Variants in ABCB1 observed in about 807,000 individuals in gnomAD.
The protein encoded by ABCB1 is ATP-dependent translocase ABCB1.
Under a neutral mutation model 142.0 loss-of-function variants are expected in ABCB1, and 69 were observed. The observed-to-expected ratio is 0.49, with a 90% CI of 0.40 to 0.59. ABCB1 has a LOEUF of 0.59. Among genes scored for constraint, ABCB1 ranks in the 20% least tolerant of loss-of-function variants. The pLI is 0.00. For missense variants in ABCB1, 1,326 were observed against 1,554.7 expected (o/e 0.85, Z 2.47); for synonymous variants, 532 against 539.2 (o/e 0.99, Z 0.18).
At chr7:87,669,047 A>G (rs1825563817) in intron 1 of ABCB1, among the ~76,000 whole-genome samples, 1 of 151,972 alleles carries the variant, frequency 6.6e-6, no homozygotes, top group Non-Finnish European at 1.5e-5. Context: ...TGTCTGCCTC[A>G]ATGATCTGTT....
At chr7:87,596,996 G>C (rs981620319) in intron 2 of ABCB1, among the ~76,000 whole-genome samples, 2 of 151,974 alleles carry the variant, frequency 1.3e-5, no homozygotes, top group Non-Finnish European at 2.9e-5. Flanking sequence ...CCAGGCACTG[G>C]CTAAGTAAGC....
At chr7:87,537,557 G>A (rs574920123) in intron 19 of ABCB1, among the ~76,000 whole-genome samples, 241 of 152,282 alleles carry the variant, frequency 1.6e-3, no homozygotes, top group African/African-American at 5.7e-3. Context: ...TGATATAGGG[G>A]AAGAGTGGGT....
chr7:87,628,588 T>C (rs6977049), intron 1 of ABCB1: 6,473 of 29,050 alleles, frequency 0.22, 64 homozygotes, highest in South Asian at 0.27. Flanking sequence ...TGCGTGCGTG[T>C]GTGTGTGTGT....
intron 4 of ABCB1, among the ~76,000 whole-genome samples, chr7:87,570,728 A>G (rs1313851095): frequency 1.3e-5 from 2 of 152,178 alleles, no homozygotes; most frequent in African/African-American, 4.8e-5. Flanking sequence ...TAAAAAGTAC[A>G]TTATAAAAGT....
chr7:87,667,267 T>C (rs757691161), intron 1 of ABCB1, among the ~76,000 whole-genome samples: 2 of 152,160 alleles, frequency 1.3e-5, no homozygotes, highest in African/African-American at 2.4e-5. Flanking sequence ...GGGATTGCCA[T>C]TCTGATTTGG....
chr7:87,614,836 G>C (rs1413901740), intron 1 of ABCB1, among the ~76,000 whole-genome samples: 1 of 151,886 alleles, frequency 6.6e-6, no homozygotes, highest in Admixed American at 6.6e-5. Context: ...TGTGTGTGTA[G>C]GTGTTTTTTT....
At chr7:87,534,594 T>C (rs1816197713) in intron 20 of ABCB1, among the ~76,000 whole-genome samples, 1 of 152,006 alleles carries the variant, frequency 6.6e-6, no homozygotes, top group African/African-American at 2.4e-5. Context: ...CAAGCCTGCT[T>C]CTCCAACAGG....
At chr7:87,538,843 C>T (rs936730314) in intron 19 of ABCB1, among the ~76,000 whole-genome samples, 1 of 151,932 alleles carries the variant, frequency 6.6e-6, no homozygotes, top group African/African-American at 2.4e-5. Flanking sequence ...CAGTGAAGAA[C>T]AGGACACAGG....
intron 1 of ABCB1, among the ~76,000 whole-genome samples, chr7:87,634,295 A>T (rs1471101785): frequency 6.6e-6 from 1 of 152,132 alleles, no homozygotes; most frequent in Non-Finnish European, 1.5e-5. Context: ...CAGACCAACC[A>T]TATACAGATT....
chr7:87,619,792 A>G (rs1467237414), intron 1 of ABCB1, among the ~76,000 whole-genome samples: 1 of 151,702 alleles, frequency 6.6e-6, no homozygotes, highest in Non-Finnish European at 1.5e-5. Context: ...GAATAAACTG[A>G]CCTTGAGATT....
chr7:87,650,026 T>G (rs1231365373), intron 1 of ABCB1, among the ~76,000 whole-genome samples: 1 of 152,208 alleles, frequency 6.6e-6, no homozygotes, highest in African/African-American at 2.4e-5. Context: ...GGGTAAGTCT[T>G]TATTAGCAGT....
In ABCB1 at chr7:87,509,296, G is replaced by A. The variant is rs1814896813; in HGVS notation, c.3468C>T (p.Ala1156=). 6.2e-7 allele frequency: 1 copy of A among 1,614,140 alleles called. No homozygotes were observed. ...TTACATTAGGCAGTGACTCGATGAAGGCATGTATGTTGGCCTCCTTTGCTG... is the reference window on the plus strand; with the variant it reads ...TTACATTAGGCAGTGACTCGATGAAAGCATGTATGTTGGCCTCCTTTGCTG... ...VRAAKEANIH[A]FIESLPNKYS... Residue 1156 remains alanine, a synonymous_variant, in exon 26 of 28, where the codon GCC becomes GCT. Transcript: ENST00000622132.
chr7:87,549,660 C>A, intron 13 of ABCB1, 142 bp from the exon 14 acceptor site: 1 of 1,424,788 alleles, frequency 7.0e-7, no homozygotes, highest in Non-Finnish European at 9.8e-7. Flanking sequence ...AACACAATAA[C>A]CAACCTCAGT....
chr7:87,523,026 T>C (rs757706377), intron 21 of ABCB1, among the ~76,000 whole-genome samples: 5 of 152,230 alleles, frequency 3.3e-5, no homozygotes, highest in Non-Finnish European at 7.3e-5. Context: ...TAAACATCTT[T>C]GTACCTAAAC....
chr7:87,561,438 T>G (rs753241417), intron 7 of ABCB1, 51 bp from the exon 8 acceptor site: 2 of 1,523,982 alleles, frequency 1.3e-6, no homozygotes, highest in Admixed American at 3.6e-5. Context: ...TAATTTTATC[T>G]TTTGTAAAGT....
intron 14 of ABCB1, among the ~76,000 whole-genome samples, chr7:87,546,338 C>T (rs1223002309): frequency 1.3e-5 from 2 of 152,106 alleles, no homozygotes; most frequent in African/African-American, 4.8e-5. Context: ...CCTGTAATCC[C>T]AGCACTTTGG....
chr7:87,572,064 T>C (rs12334183), intron 4 of ABCB1, among the ~76,000 whole-genome samples: 34,143 of 152,164 alleles, frequency 0.22, 4,366 homozygotes, highest in African/African-American at 0.35. Context: ...TTTAAATCAG[T>C]TGTGAGATTT....
At chr7:87,564,217 G>A in intron 7 of ABCB1, 1 of 417,426 alleles carries the variant, frequency 2.4e-6, no homozygotes, top group Non-Finnish European at 4.7e-6. Flanking sequence ...CTAGCCGGCA[G>A]TTGTTCCATT....
At chr7:87,611,039 T>G (rs1355353715) in intron 1 of ABCB1, among the ~76,000 whole-genome samples, 1 of 152,224 alleles carries the variant, frequency 6.6e-6, no homozygotes, top group Non-Finnish European at 1.5e-5. Context: ...TCTCCACATT[T>G]ACTCTGGTCT....
Sources: allele counts gnomAD v4.1 joint callset (sites outside exome capture counted in the v4.1 genomes callset), GRCh38; gene constraint gnomAD v4.1.1; transcripts MANE v1.5; gene names NCBI Gene and HGNC (gene_info 2026-07-23, HGNC 2026-07-21).